ZNF676: variants seen among roughly 807,000 people sequenced by gnomAD.
The protein encoded by ZNF676 is zinc finger protein 676.
In ZNF676, 4 loss-of-function variants were observed where a neutral mutation model predicts 6.0. The observed-to-expected ratio is 0.67, with a 90% CI of 0.33 to 1.53. The LOEUF (loss-of-function observed/expected upper bound fraction) is 1.53, where lower values mean the gene tolerates loss of function less well. Among genes scored for constraint, ZNF676 ranks in the 40% most tolerant of loss-of-function variants. ZNF676 has a pLI of 0.06. For synonymous variants in ZNF676, 198 were observed against 223.1 expected, an observed-to-expected ratio of 0.89 and a Z score of 1.00; for missense variants, 644 against 679.7, an observed-to-expected ratio of 0.95 and a Z score of 0.58.
At chr19:22,205,900 A>T (rs1294479432) in intron 1 of ZNF676, among the ~76,000 whole-genome samples, 1 of 152,038 alleles carries the variant, frequency 6.6e-6, no homozygotes, top group African/African-American at 2.4e-5. Flanking sequence ...TAAATAAACT[A>T]TGAGCTAGAT....
At chr19:22,218,312 G>C (rs150769854), upstream of ZNF676, among the ~76,000 whole-genome samples, 145 of 151,858 alleles carry the variant, frequency 9.5e-4, no homozygotes, top group African/African-American at 3.4e-3. Flanking sequence ...TTTTGTATAA[G>C]GTGAGAGATG....
At chr19:22,232,470 G>A in the ZNF676 span, among the ~76,000 whole-genome samples, 963 of 152,158 alleles carry the variant, frequency 6.3e-3, no homozygotes, top group African/African-American at 0.021. Flanking sequence ...CCAGCCTACA[G>A]TAGCATATTT....
At chr19:22,218,338 T>TA (rs747727202), upstream of ZNF676, among the ~76,000 whole-genome samples, 1 of 152,156 alleles carries the variant, frequency 6.6e-6, no homozygotes, top group South Asian at 2.1e-4. Flanking sequence ...ACTTTTTTTT[T>TA]ATTTTTATTT....
the ZNF676 span, among the ~76,000 whole-genome samples, chr19:22,221,020 ACTAGCTTATTGTTTTAT>A: frequency 6.6e-6 from 1 of 151,966 alleles, no homozygotes; most frequent in African/African-American, 2.4e-5. Context: ...TTTTCAAATA[ACTAGCTTATTGTTTTAT>A]CTTTTATATT....
chr19:22,211,055 T>C (rs1351482827), intron 1 of ZNF676, among the ~76,000 whole-genome samples: 1 of 151,978 alleles, frequency 6.6e-6, no homozygotes, highest in Admixed American at 6.6e-5. Flanking sequence ...AAAGATCTTA[T>C]AGTTGGTACT....
upstream of ZNF676, among the ~76,000 whole-genome samples, chr19:22,201,863 G>A (rs1335424412): frequency 6.6e-6 from 1 of 151,850 alleles, no homozygotes; most frequent in Non-Finnish European, 1.5e-5. Context: ...TTAAGGGTAT[G>A]GAATTTAGTG....
At chr19:22,225,053 G>T in the ZNF676 span, among the ~76,000 whole-genome samples, 1 of 151,994 alleles carries the variant, frequency 6.6e-6, no homozygotes, top group African/African-American at 2.4e-5. Context: ...TTATGCAAAA[G>T]GCTTCTAGAG....
the ZNF676 span, among the ~76,000 whole-genome samples, chr19:22,254,782 T>C: frequency 1.7e-4 from 26 of 152,272 alleles, 1 homozygote; most frequent in African/African-American, 6.3e-4. Context: ...GGAAAGTCAC[T>C]TCCCCTGGGT....
chr19:22,257,519 T>C, the ZNF676 span, among the ~76,000 whole-genome samples: 8 of 152,182 alleles, frequency 5.3e-5, 1 homozygote, highest in Admixed American at 5.2e-4. Flanking sequence ...TCACATCACC[T>C]AGGTGACTAA....
intron 1 of ZNF676, among the ~76,000 whole-genome samples, chr19:22,194,726 G>A (rs761006325): frequency 4.6e-5 from 7 of 151,964 alleles, no homozygotes; most frequent in Non-Finnish European, 7.4e-5. Flanking sequence ...TAACACCCCC[G>A]CTAGGAAACA....
the ZNF676 span, among the ~76,000 whole-genome samples, chr19:22,221,882 A>G: frequency 1.3e-5 from 2 of 152,110 alleles, no homozygotes; most frequent in Non-Finnish European, 2.9e-5. Context: ...TGTTAAGTCC[A>G]TTTGTTCTAA....
chr19:22,228,451 A>T, the ZNF676 span, among the ~76,000 whole-genome samples: 1 of 152,324 alleles, frequency 6.6e-6, no homozygotes, highest in South Asian at 2.1e-4. Context: ...GCACAAGACA[A>T]GGATGCCCTC....
intron 1 of ZNF676, among the ~76,000 whole-genome samples, chr19:22,202,275 A>G (rs1336108847): frequency 6.7e-6 from 1 of 148,234 alleles, no homozygotes; most frequent in Admixed American, 6.8e-5. Context: ...TGAAGACACA[A>G]GTCATTGAAA....
chr19:22,218,083 T>C (rs2024212171), upstream of ZNF676, among the ~76,000 whole-genome samples: 2 of 152,172 alleles, frequency 1.3e-5, no homozygotes, highest in South Asian at 4.1e-4. Flanking sequence ...TAATCATTAG[T>C]GATGTTCAGC....
chr19:22,239,465 C>G, the ZNF676 span, among the ~76,000 whole-genome samples: 1 of 152,112 alleles, frequency 6.6e-6, no homozygotes, highest in Non-Finnish European at 1.5e-5. Flanking sequence ...CAGGTGTAAG[C>G]CACTGTGCCT....
At chr19:22,226,797 C>T in the ZNF676 span, among the ~76,000 whole-genome samples, 409 of 152,170 alleles carry the variant, frequency 2.7e-3, 3 homozygotes, top group African/African-American at 9.5e-3. Flanking sequence ...CGAGGTTTCA[C>T]CATGTTGGTC....
intron 2 of ZNF676, among the ~76,000 whole-genome samples, chr19:22,182,593 A>AAAAAAACAAAAAAAC (rs1555773385): frequency 3.3e-5 from 3 of 90,930 alleles, no homozygotes; most frequent in African/African-American, 9.0e-5. Context: ...TCTAAAAAAA[A>AAAAAAACAAAAAAAC]AAAAAAAAAG....
intron 2 of ZNF676, among the ~76,000 whole-genome samples, chr19:22,184,927 G>C (rs554690767): frequency 1.9e-4 from 29 of 151,442 alleles, no homozygotes; most frequent in African/African-American, 7.0e-4. Context: ...GGAAGGGACA[G>C]CTGGGAGCAC....
chr19:22,189,760 C>CA (rs2023880004), intron 2 of ZNF676, among the ~76,000 whole-genome samples: 1 of 151,950 alleles, frequency 6.6e-6, no homozygotes, highest in Non-Finnish European at 1.5e-5. Context: ...AGCGAACAGA[C>CA]ACATGAAAAA....
Sources: gnomAD v4.1 joint callset for allele counts (sites outside exome capture counted in the v4.1 genomes callset) on GRCh38, gnomAD v4.1.1 for gene constraint, MANE v1.5 for transcripts, NCBI Gene and HGNC (gene_info 2026-07-23, HGNC 2026-07-21) for gene names.